STK17B: variants seen among roughly 807,000 people sequenced by gnomAD.
STK17B encodes the protein serine/threonine kinase 17b, also known as serine/threonine-protein kinase 17B.
Under a neutral mutation model 42.0 loss-of-function variants are expected in STK17B, and 21 were observed. The observed-to-expected ratio is 0.50, with a 90% CI of 0.35 to 0.72. The LOEUF is 0.72. Among genes scored for constraint, STK17B ranks in the 30% least tolerant of loss-of-function variants. The pLI is 0.00. For missense variants in STK17B, 349 were observed against 446.0 expected, an observed-to-expected ratio of 0.78 and a Z score of 1.96; for synonymous variants, 143 against 148.4, an observed-to-expected ratio of 0.96 and a Z score of 0.26.
intron 4 of STK17B, 125 bp downstream of exon 4, chr2:196,145,786 C>T: frequency 2.2e-6 from 2 of 891,760 alleles, no homozygotes; most frequent in Non-Finnish European, 3.3e-6. Flanking sequence ...GCAAAGAGCA[C>T]ACCAGTGCAG....
At position 196,156,636 on chromosome 2, in the gene STK17B, C is replaced by T. The variant is rs757204084; in HGVS notation, c.138G>A (p.Val46=). Residue 46 remains valine (V), a synonymous_variant, in exon 3 of 8, where the codon GTG becomes GTA. Coordinates refer to ENST00000263955, the MANE Select transcript of STK17B (RefSeq NM_004226.4). ...TAGATTTTGATATACATTGTCTAAC[C>T]ACAGCAAATTTTCCTCTGGGGGAAG... ...SKELGRGKFA[V]VRQCISKSTG... is the part of the protein sequence containing the mutation. The T allele has an allele frequency of 1.2e-6, 2 of 1,611,900 alleles. No individual in the cohort carries two copies. Among genetic ancestry groups the T allele is most frequent in the South Asian group, 2.2e-5 (2 of 90,660 alleles).
intron 2 of STK17B, among the ~76,000 whole-genome samples, chr2:196,160,167 G>T (rs1575183988): frequency 6.6e-6 from 1 of 152,254 alleles, no homozygotes; most frequent in Non-Finnish European, 1.5e-5. Flanking sequence ...AGGCTAACTA[G>T]ATTTCCCAGC....
At chr2:196,141,144 T>G in intron 6 of STK17B, 105 bp downstream of exon 6, 4 of 792,984 alleles carry the variant, frequency 5.0e-6, no homozygotes, top group African/African-American at 1.8e-5. Flanking sequence ...AATAAAATCT[T>G]TTGAAGAAAG....
intron 2 of STK17B, among the ~76,000 whole-genome samples, chr2:196,158,954 T>C (rs1261137964): frequency 6.8e-6 from 1 of 148,040 alleles, no homozygotes; most frequent in Non-Finnish European, 1.5e-5. Context: ...GAGGTTGCAG[T>C]GAGCTGAGAC....
chr2:196,158,630 A>G (rs1046750688), intron 2 of STK17B, among the ~76,000 whole-genome samples: 21 of 152,190 alleles, frequency 1.4e-4, no homozygotes, highest in African/African-American at 2.9e-4. Context: ...AAGCTCATAA[A>G]TGGAATCGGA....
chr2:196,146,129 A>T, intron 3 of STK17B, 74 bp from the exon 4 acceptor site: 1 of 1,396,208 alleles, frequency 7.2e-7, no homozygotes, highest in Non-Finnish European at 9.5e-7. Flanking sequence ...TGTACCTGTT[A>T]AGTAAAAGAC....
intron 3 of STK17B, among the ~76,000 whole-genome samples, chr2:196,148,865 C>T (rs563940398): frequency 6.6e-6 from 1 of 152,212 alleles, no homozygotes; most frequent in Admixed American, 6.5e-5. Flanking sequence ...ATTCCCAGTG[C>T]CTAGGAAGAG....
intron 1 of STK17B, chr2:196,166,102 C>T (rs1699871875): frequency 6.6e-6 from 1 of 152,230 alleles, no homozygotes; most frequent in African/African-American, 2.4e-5. Context: ...ACATCACAAG[C>T]TGCTTTAGGC....
At chr2:196,145,188 T>C (rs1018423385) in intron 4 of STK17B, among the ~76,000 whole-genome samples, 1 of 150,878 alleles carries the variant, frequency 6.6e-6, no homozygotes, top group Non-Finnish European at 1.5e-5. Context: ...GAAAAAGCGG[T>C]AAGAGGATTT....
intron 2 of STK17B, among the ~76,000 whole-genome samples, chr2:196,160,334 C>G (rs1416275625): frequency 6.6e-6 from 1 of 152,074 alleles, no homozygotes; most frequent in Non-Finnish European, 1.5e-5. Flanking sequence ...TCCTATGAAA[C>G]CTTTGCCTCA....
At chr2:196,138,903 G>A (rs1181017681) in intron 7 of STK17B, among the ~76,000 whole-genome samples, 1 of 150,560 alleles carries the variant, frequency 6.6e-6, no homozygotes, top group Non-Finnish European at 1.5e-5. Context: ...GTTGTCAAAG[G>A]GCATCCAATC....
Position 196,144,273 on chromosome 2 carries a change from G to A in STK17B, c.481-587C>T, listed in dbSNP as rs192238705. Among the ~76,000 whole-genome samples, 969 of 151,678 alleles carry A rather than the reference G, an allele frequency of 6.4e-3. 6 individuals are homozygous for A. The highest frequency in any genetic ancestry group is 0.011 in the Non-Finnish European group (733 of 67,870). On this transcript the variant is annotated intron_variant, in intron 4 of 7. Transcript: ENST00000263955. ...TGGGAGGCTGAGGTAGGCAGATCAC[G>A]AGGTCAGGAGATCAAGACCATCCTG... is the stretch of plus-strand genomic sequence containing the variant.
rs778228395 is a variant in STK17B, at chr2:196,163,388, G to A, written c.-5C>T. 1 of 1,581,838 alleles carries A rather than the reference G, an allele frequency of 6.3e-7. No homozygotes were observed. The highest frequency in any genetic ancestry group is 1.2e-5 in the South Asian group (1 of 85,004). On this transcript the variant is annotated 5_prime_UTR_variant, in exon 2 of 8. Transcript: ENST00000263955. ...ATCAAATCTCCTCCTCGACATGTTA[G>A]GTGATTCCCAGGTCTGCTTCTTTAG...
chr2:196,141,930 T>C (rs1699499800), intron 5 of STK17B, among the ~76,000 whole-genome samples: 2 of 151,880 alleles, frequency 1.3e-5, no homozygotes, highest in African/African-American at 4.8e-5. Flanking sequence ...AAAAAAAAAA[T>C]TAGTTTTATT....
chr2:196,145,898 CACGTT>C lies in STK17B; in HGVS notation c.480+8_480+12del. The C allele has an allele frequency of 6.4e-7, 1 of 1,550,886 alleles. No individual in the cohort carries two copies. The highest frequency in any genetic ancestry group is 8.7e-7 in the Non-Finnish European group (1 of 1,154,118). ...ACACAGATGTTGCATTACTTTAAAT[CACGTT>C]ACGTTACCTTTAAATCAAGGTGTAC... On this transcript the variant is annotated splice_region_variant and intron_variant, in intron 4 of 7. Coordinates refer to ENST00000263955, the MANE Select transcript of STK17B (RefSeq NM_004226.4).
intron 7 of STK17B, 72 bp downstream of exon 7, chr2:196,139,548 T>C: frequency 2.2e-6 from 2 of 928,476 alleles, no homozygotes; most frequent in South Asian, 4.7e-5. Context: ...TTAATAGGTA[T>C]ATATTATTTA....
chr2:196,155,651 C>T (rs1372454061), intron 3 of STK17B, among the ~76,000 whole-genome samples: 1 of 152,156 alleles, frequency 6.6e-6, no homozygotes, highest in Non-Finnish European at 1.5e-5. Context: ...CCAAGGTATA[C>T]TAAACATAAA....
chr2:196,156,701 G>A (rs762621693), intron 2 of STK17B, 50 bp from the exon 3 acceptor site: 16 of 1,409,096 alleles, frequency 1.1e-5, no homozygotes, highest in Admixed American at 5.8e-5. Flanking sequence ...AGAGAACAAC[G>A]TTAGTATATT....
At chr2:196,145,039 G>T (rs1559409644) in intron 4 of STK17B, among the ~76,000 whole-genome samples, 1 of 151,366 alleles carries the variant, frequency 6.6e-6, no homozygotes, top group East Asian at 1.9e-4. Flanking sequence ...TGGTGGGAGC[G>T]TGATTATCTT....
Sources: gnomAD v4.1 joint callset for allele counts (sites outside exome capture counted in the v4.1 genomes callset) on GRCh38, gnomAD v4.1.1 for gene constraint, MANE v1.5 for transcripts, NCBI Gene and HGNC (gene_info 2026-07-23, HGNC 2026-07-21) for gene names.